ARSB: variants seen among roughly 807,000 people sequenced by gnomAD.
ARSB encodes the protein N-acetylgalactosamine-4-sulfatase.
ARSB carries 41 observed loss-of-function variants against 50.9 expected under a neutral mutation model. The ratio of observed to expected loss-of-function variants is 0.81; its 90% CI spans 0.63 to 1.04. ARSB has a LOEUF of 1.04. Ranked by LOEUF, ARSB falls within the 50% of genes least tolerant of loss-of-function variation. The pLI is 0.00. For missense variants in ARSB, 672 were observed against 693.3 expected, an observed-to-expected ratio of 0.97 and a Z score of 0.35; for synonymous variants, 269 against 284.8, an observed-to-expected ratio of 0.94 and a Z score of 0.56.
At chr5:78,828,848 C>A (rs1165098358) in intron 6 of ARSB, among the ~76,000 whole-genome samples, 1 of 152,188 alleles carries the variant, frequency 6.6e-6, no homozygotes, top group African/African-American at 2.4e-5. Flanking sequence ...TGCTAATCAG[C>A]TGACTTTCAA....
At chr5:78,898,729 T>G (rs1748679458) in intron 4 of ARSB, among the ~76,000 whole-genome samples, 1 of 152,154 alleles carries the variant, frequency 6.6e-6, no homozygotes, top group African/African-American at 2.4e-5. Flanking sequence ...GAAGTTCCAT[T>G]TCCTTGCCTT....
chr5:78,933,114 C>T (rs1016419274), intron 4 of ARSB, among the ~76,000 whole-genome samples: 2 of 152,144 alleles, frequency 1.3e-5, no homozygotes, highest in South Asian at 2.1e-4. Context: ...TTTATATGTG[C>T]GTAAACACAG....
chr5:78,795,002 T>C (rs529331689), intron 6 of ARSB, among the ~76,000 whole-genome samples: 2 of 152,348 alleles, frequency 1.3e-5, no homozygotes, highest in East Asian at 3.9e-4. Flanking sequence ...CTCTGTTTTC[T>C]AGCTGATAAA....
At chr5:78,855,533 T>A (rs562580232) in intron 5 of ARSB, among the ~76,000 whole-genome samples, 4 of 152,100 alleles carry the variant, frequency 2.6e-5, no homozygotes, top group African/African-American at 9.7e-5. Flanking sequence ...GCCTCAGGGA[T>A]AAAAGAGAGC....
At chr5:78,826,143 T>C (rs575804858) in intron 6 of ARSB, among the ~76,000 whole-genome samples, 1 of 151,988 alleles carries the variant, frequency 6.6e-6, no homozygotes, top group South Asian at 2.1e-4. Context: ...GCCTCCTGAG[T>C]TCAAGGGATT....
At chr5:78,824,533 C>A (rs1325128218) in intron 6 of ARSB, among the ~76,000 whole-genome samples, 2 of 152,128 alleles carry the variant, frequency 1.3e-5, no homozygotes, top group Non-Finnish European at 2.9e-5. Flanking sequence ...TTCGTGTGCA[C>A]ATTCAGGTAT....
chr5:78,976,706 TCCTTA>T lies in ARSB; in HGVS notation c.313-7519_313-7515del, dbSNP rs570898278. 1.4e-4 allele frequency among the ~76,000 whole-genome samples: 21 copies of T among 152,364 alleles called. 1 individual carries two copies. The South Asian group carries it at 4.3e-3, about 32-fold the overall frequency. ...ATGCCACATGGCACTTGACTGTATT[TCCTTA>T]AAATATGCCCATTTAGAACACTGTT... On this transcript the variant is annotated intron_variant, in intron 1 of 7. Transcript: ENST00000264914.
chr5:78,840,647 C>T (rs973665728), intron 5 of ARSB, among the ~76,000 whole-genome samples: 1 of 151,986 alleles, frequency 6.6e-6, no homozygotes. Context: ...TTAAATTGAG[C>T]ATATTTAACT....
chr5:78,904,381 T>C (rs886183424), intron 4 of ARSB, among the ~76,000 whole-genome samples: 1 of 152,124 alleles, frequency 6.6e-6, no homozygotes, highest in South Asian at 2.1e-4. Flanking sequence ...TCAAGGTATT[T>C]TTTTTTTTCA....
chr5:78,819,049 T>TA lies in ARSB; in HGVS notation c.1213+20306dup, dbSNP rs758918087. Among the ~76,000 whole-genome samples the TA allele has an allele frequency of 4.6e-5, 7 of 152,298 alleles. No individual in the cohort carries two copies. The East Asian group carries it at 1.2e-3, about 25-fold the overall frequency. The stretch of plus-strand genomic sequence containing the variant: ...AAGGAGTTTAATTTCTGCATGGAGT[T>TA]AGATTTATAGTTGAGATTTCCTTTG... On this transcript the variant is annotated intron_variant, in intron 6 of 7. Transcript: ENST00000264914.
intron 5 of ARSB, chr5:78,885,298 C>T: frequency 2.2e-6 from 1 of 456,452 alleles, no homozygotes; most frequent in Non-Finnish European, 3.8e-6. Context: ...TAACAATACC[C>T]TAGCCTACTT....
chr5:78,842,153 T>A (rs1422941054), intron 5 of ARSB, among the ~76,000 whole-genome samples: 1 of 151,966 alleles, frequency 6.6e-6, no homozygotes, highest in Non-Finnish European at 1.5e-5. Context: ...ACTGCATGGT[T>A]AATTTCAGTG....
At chr5:78,804,284 TG>T (rs1743491799) in intron 6 of ARSB, among the ~76,000 whole-genome samples, 1 of 152,124 alleles carries the variant, frequency 6.6e-6, no homozygotes, top group Non-Finnish European at 1.5e-5. Context: ...CAGCTCAGCA[TG>T]ATTTTTAAAA....
intron 1 of ARSB, among the ~76,000 whole-genome samples, chr5:78,982,012 T>C (rs1354961812): frequency 2.2e-5 from 2 of 90,242 alleles, no homozygotes; most frequent in South Asian, 3.1e-4. Flanking sequence ...CAAGCTCCGC[T>C]TCCCGGGTTC....
intron 4 of ARSB, among the ~76,000 whole-genome samples, chr5:78,892,601 C>T (rs1187209741): frequency 6.6e-6 from 1 of 152,118 alleles, no homozygotes; most frequent in Non-Finnish European, 1.5e-5. Flanking sequence ...TGCAACAACA[C>T]AGTGAATTGT....
At chr5:78,930,939 C>T (rs1036168318) in intron 4 of ARSB, among the ~76,000 whole-genome samples, 2 of 152,180 alleles carry the variant, frequency 1.3e-5, no homozygotes, top group Non-Finnish European at 2.9e-5. Flanking sequence ...CTCTGATAAA[C>T]TCCTGGGGAG....
chr5:78,846,813 TC>T lies in ARSB; in HGVS notation c.1143-7388del, dbSNP rs374902085. 8.5e-5 allele frequency among the ~76,000 whole-genome samples: 13 copies of T among 152,346 alleles called. No individual in the cohort carries two copies. In the East Asian group the frequency reaches 1.5e-3, roughly 18 times the overall value. On this transcript the variant is annotated intron_variant, in intron 5 of 7. Transcript: ENST00000264914. ...TGAACAAAAGTGGTAAAAGTGAGCA[TC>T]GTTGTCTTGTTTCAGATGTTAGGGG...
chr5:78,867,610 G>C (rs1325173311), intron 5 of ARSB, among the ~76,000 whole-genome samples: 4 of 152,096 alleles, frequency 2.6e-5, no homozygotes, highest in Non-Finnish European at 4.4e-5. Context: ...TGAGGGTCCT[G>C]TCTGTTAGAA....
At chr5:78,932,966 C>T (rs1215108589) in intron 4 of ARSB, among the ~76,000 whole-genome samples, 1 of 152,212 alleles carries the variant, frequency 6.6e-6, no homozygotes, top group Non-Finnish European at 1.5e-5. Flanking sequence ...TACTACGAAA[C>T]AGCACTTACT....
Sources: allele counts gnomAD v4.1 joint callset (sites outside exome capture counted in the v4.1 genomes callset), GRCh38; gene constraint gnomAD v4.1.1; transcripts MANE v1.5; gene names NCBI Gene and HGNC (gene_info 2026-07-23, HGNC 2026-07-21).